The following NFKB1 variants were observed in gnomAD, a reference collection of about 807,000 sequenced individuals.
The protein encoded by NFKB1 is nuclear factor kappa B subunit 1, also known as nuclear factor NF-kappa-B p105 subunit.
NFKB1 carries 9 observed loss-of-function variants against 105.1 expected under a neutral mutation model. The observed-to-expected ratio is 0.09, with a 90% CI of 0.05 to 0.15. The LOEUF (loss-of-function observed/expected upper bound fraction) is 0.15, where lower values mean the gene tolerates loss of function less well. Among genes scored for constraint, NFKB1 ranks in the 10% least tolerant of loss-of-function variants. The pLI is 1.00. For missense variants in NFKB1, 830 were observed against 1,203.7 expected (o/e 0.69, Z 4.59); for synonymous variants, 440 against 442.2 (o/e 1.00, Z 0.06).
At chr4:102,517,754 T>A (rs766400012) in intron 1 of NFKB1, among the ~76,000 whole-genome samples, 35 of 152,316 alleles carry the variant, frequency 2.3e-4, no homozygotes, top group Admixed American at 6.5e-4. Flanking sequence ...GTAGAAAAGA[T>A]GGCATTTCAG....
At chr4:102,558,069 A>G (rs1459722654) in intron 5 of NFKB1, among the ~76,000 whole-genome samples, 1 of 145,928 alleles carries the variant, frequency 6.9e-6, no homozygotes, top group Non-Finnish European at 1.5e-5. Flanking sequence ...TTTTATGTGC[A>G]GGATGTGCAG....
In NFKB1 at chr4:102,613,588, A is replaced by C. The variant is rs1560724053; in HGVS notation, c.2749+7A>C. 9 of 1,611,392 alleles carry C rather than the reference A, an allele frequency of 5.6e-6. No homozygotes were observed. The highest frequency in any genetic ancestry group is 7.6e-6 in the Non-Finnish European group (9 of 1,178,860). ...TCCACAAGGCAGCAAATAGGTAAAA[A>C]AAAAGACAAAAGACAGTGGAGATAT... On this transcript the variant is annotated splice_region_variant and intron_variant, in intron 23 of 23. Transcript: ENST00000226574.
Position 102,539,620 on chromosome 4 carries a change from T to C in NFKB1, c.258+1664T>C, listed in dbSNP as rs183251386. ...ATGAGGAGCAGCAATAAAGAACTAATTTGCACTTATTAAACACCAAAGACT... is the reference window on the plus strand; with the variant it reads ...ATGAGGAGCAGCAATAAAGAACTAACTTGCACTTATTAAACACCAAAGACT... On this transcript the variant is annotated intron_variant, in intron 5 of 23. Transcript: ENST00000226574. Among the ~76,000 whole-genome samples, 369 of 152,304 alleles carry C rather than the reference T, an allele frequency of 2.4e-3. 2 individuals carry two copies. The highest frequency in any genetic ancestry group is 6.8e-3 in the Middle Eastern group (2 of 294).
At chr4:102,569,642 T>C (rs1275378813) in intron 6 of NFKB1, among the ~76,000 whole-genome samples, 1 of 152,086 alleles carries the variant, frequency 6.6e-6, no homozygotes, top group Non-Finnish European at 1.5e-5. Flanking sequence ...CCAAAAAAGA[T>C]ATCCAAAAAA....
intron 5 of NFKB1, among the ~76,000 whole-genome samples, chr4:102,545,934 G>A (rs943641042): frequency 6.6e-6 from 1 of 152,086 alleles, no homozygotes; most frequent in African/African-American, 2.4e-5. Context: ...GCACAACGTG[G>A]AAAACTGCTT....
intron 5 of NFKB1, among the ~76,000 whole-genome samples, chr4:102,561,525 A>G (rs1723445675): frequency 1.3e-5 from 2 of 152,196 alleles, no homozygotes; most frequent in Admixed American, 6.5e-5. Context: ...TAGAACTATG[A>G]AACACTGAGG....
intron 5 of NFKB1, among the ~76,000 whole-genome samples, chr4:102,565,688 T>C (rs530061753): frequency 6.7e-6 from 1 of 149,934 alleles, no homozygotes; most frequent in South Asian, 2.2e-4. Flanking sequence ...TCTCCCTCCC[T>C]CCCTCCGTCC....
chr4:102,610,514 C>A, intron 19 of NFKB1, 61 bp from the exon 20 acceptor site: 3 of 1,572,664 alleles, frequency 1.9e-6, no homozygotes, highest in Non-Finnish European at 2.6e-6. Context: ...CTGACCTTTG[C>A]AGGCAGTTGG....
intron 13 of NFKB1, among the ~76,000 whole-genome samples, chr4:102,595,190 C>T (rs10428399): frequency 0.025 from 3,810 of 152,140 alleles, 148 homozygotes; most frequent in African/African-American, 0.084. Flanking sequence ...TATATATTTA[C>T]TTTGTAAGTG....
At chr4:102,511,010 AG>A in intron 1 of NFKB1, 1 of 1,193,620 alleles carries the variant, frequency 8.4e-7, no homozygotes, top group Non-Finnish European at 1.1e-6. Context: ...ATTGGAGATG[AG>A]GAGGGGTGGA....
intron 3 of NFKB1, among the ~76,000 whole-genome samples, chr4:102,530,588 C>T (rs1237584955): frequency 6.6e-6 from 1 of 152,120 alleles, no homozygotes; most frequent in Non-Finnish European, 1.5e-5. Flanking sequence ...TGGGACTTAA[C>T]AGATGTTCAA....
At chr4:102,554,660 C>G (rs919664559) in intron 5 of NFKB1, among the ~76,000 whole-genome samples, 3 of 152,188 alleles carry the variant, frequency 2.0e-5, no homozygotes, top group African/African-American at 7.2e-5. Context: ...GTGGGAATGA[C>G]AGCATGTCTC....
intron 10 of NFKB1, among the ~76,000 whole-genome samples, chr4:102,584,439 A>G (rs938475222): frequency 6.6e-6 from 1 of 152,246 alleles, no homozygotes; most frequent in Non-Finnish European, 1.5e-5. Flanking sequence ...AAATGAAATA[A>G]TAAAGCTTCG....
chr4:102,516,947 G>A (rs1054872189), intron 1 of NFKB1, among the ~76,000 whole-genome samples: 1 of 152,168 alleles, frequency 6.6e-6, no homozygotes, highest in African/African-American at 2.4e-5. Flanking sequence ...ACAATGTTCA[G>A]TGATGTCTTT....
chr4:102,517,632 A>G (rs777984292), intron 1 of NFKB1, among the ~76,000 whole-genome samples: 6 of 152,200 alleles, frequency 3.9e-5, no homozygotes, highest in South Asian at 4.1e-4. Context: ...ACCAGTATAT[A>G]TAAGTTTTAT....
intron 6 of NFKB1, among the ~76,000 whole-genome samples, chr4:102,567,807 CAT>C (rs1027607617): frequency 5.0e-4 from 76 of 152,260 alleles, no homozygotes; most frequent in African/African-American, 1.8e-3. Flanking sequence ...TTAAATAAGA[CAT>C]ATTTATTGTG....
chr4:102,609,558 G>A (rs1336978218), intron 19 of NFKB1, among the ~76,000 whole-genome samples: 5 of 141,214 alleles, frequency 3.5e-5, no homozygotes, highest in Non-Finnish European at 7.5e-5. Context: ...GTTGCAGTGA[G>A]CTGAGACTGC....
intron 1 of NFKB1, among the ~76,000 whole-genome samples, chr4:102,509,864 A>T (rs552140054): frequency 4.5e-4 from 69 of 152,200 alleles, no homozygotes; most frequent in African/African-American, 1.5e-3. Flanking sequence ...CCCATCGTTC[A>T]TTTCGCATAA....
chr4:102,586,247 G>A (rs1317176531), intron 11 of NFKB1, among the ~76,000 whole-genome samples: 5 of 152,146 alleles, frequency 3.3e-5, no homozygotes, highest in East Asian at 1.9e-4. Context: ...CCTAGAGGTC[G>A]GAGGTGTAGG....
Sources: allele counts gnomAD v4.1 joint callset (sites outside exome capture counted in the v4.1 genomes callset), GRCh38; gene constraint gnomAD v4.1.1; transcripts MANE v1.5; gene names NCBI Gene and HGNC (gene_info 2026-07-23, HGNC 2026-07-21).